Variants in LIPE observed in about 807,000 individuals in gnomAD.
LIPE encodes hormone-sensitive lipase.
In LIPE, 66 loss-of-function variants were observed where a neutral mutation model predicts 88.5. The observed-to-expected ratio is 0.75, with a 90% CI of 0.61 to 0.91. The LOEUF (loss-of-function observed/expected upper bound fraction) is 0.91. Among genes scored for constraint, LIPE ranks in the 40% least tolerant of loss-of-function variants. The pLI is 0.00. For synonymous variants in LIPE, 570 were observed against 617.5 expected (o/e 0.92, Z 1.14); for missense variants, 1,346 against 1,434.7 (o/e 0.94, Z 1.00).
intron 9 of LIPE, among the ~76,000 whole-genome samples, 173 bp from the exon 10 acceptor site, chr19:42,402,248 G>T (rs1038932359): frequency 2.3e-4 from 35 of 152,108 alleles, no homozygotes; most frequent in Non-Finnish European, 3.7e-4. Flanking sequence ...TGGAGGGAAT[G>T]GGGGGAGTTG....
In LIPE at chr19:42,410,780, C is replaced by A. The variant is rs771283326; in HGVS notation, c.946G>T (p.Glu316Ter). The A allele has an allele frequency of 3.1e-6, 5 of 1,604,146 alleles. No homozygotes were observed. The highest frequency in any genetic ancestry group is 4.3e-6 in the Non-Finnish European group (5 of 1,174,106). The change falls in exon 2 of 10, where the codon GAG becomes TAG. Residue 316 changes from glutamate to a stop codon, truncating the protein, a stop_gained. Transcript: ENST00000244289. LOFTEE classifies it high-confidence loss of function. The surrounding 1 kb of genome is among the most constrained non-coding windows in gnomAD (Gnocchi z 6.1). Reference protein sequence around the residue: ...TMTQSLVTLAEDNIAFFSSQG... With the variant: ...TMTQSLVTLA ...CTCGAGAAGAAGGCTATGTTGTCCT[C>A]CGCCAGAGTCACCAGCGACTGTGTC...
chr19:42,407,233 CG>C lies in LIPE; in HGVS notation c.2077del (p.Arg693ValfsTer76). The C allele has an allele frequency of 6.3e-7, 1 of 1,576,810 alleles. No individual in the cohort carries two copies. The highest frequency in any genetic ancestry group is 8.6e-7 in the Non-Finnish European group (1 of 1,161,192). On this transcript the variant is annotated frameshift_variant, in exon 6 of 10. Coordinates refer to ENST00000244289, the MANE Select transcript of LIPE (RefSeq NM_005357.4). LOFTEE classifies it high-confidence loss of function. The surrounding 1 kb of genome is among the most constrained non-coding windows in gnomAD (Gnocchi z 5.8). ...GGCGAAGAAGCACTCCTCCAGCGCA[CG>C]GGGGAAGGGGGCCTCAGGGGCCAGG... Reference protein sequence around the residue: ...YSLAPEAPFPRALEECFFAYC... With the variant: ...YSLAPEAPFPXALEECFFAYC...
Position 42,402,811 on chromosome 19 carries a change from C to T in LIPE, c.2763G>A (p.Glu921=), listed in dbSNP as rs367909440. Residue 921 remains glutamate (E), a synonymous_variant, in exon 9 of 10, where the codon GAG becomes GAA. Transcript: ENST00000244289. ...FLLPPEDAGE[E]AEAKNELSPM... ...GGCTCAGCTCATTTTTGGCCTCAGC[C>T]TCTTCCCCTGCATCCTCAGGTGGTA... 7 of 1,613,050 alleles carry T rather than the reference C, an allele frequency of 4.3e-6. No homozygotes were observed. In the African/African-American group the frequency reaches 9.3e-5, roughly 22 times the overall value.
intron 2 of LIPE, among the ~76,000 whole-genome samples, chr19:42,409,607 C>T (rs1189825744): frequency 6.6e-6 from 1 of 152,180 alleles, no homozygotes; most frequent in Non-Finnish European, 1.5e-5. Context: ...GGGGAGACTG[C>T]CCTGCACCAA....
chr19:42,407,455 A>G lies in LIPE; in HGVS notation c.1856T>C (p.Leu619Pro). The change falls in exon 6 of 10, where the codon CTC (leucine) becomes CCC (proline). Residue 619 changes from leucine (L) to proline (P), a missense_variant. By Grantham distance (98) the Leu-to-Pro change is moderately conservative. Coordinates refer to ENST00000244289, the MANE Select transcript of LIPE (RefSeq NM_005357.4). This position sits in a 1 kb window ranked among gnomAD's most constrained non-coding sequence, Gnocchi z 5.8. ...GCCGTTGGACTTTATCAGGCTGCTG[A>G]GCTCCTCACTGTCCTGGGGGTGAGG... ...DLREGQDSEE[L>P]SSLIKSNGQR... 1 of 1,612,332 alleles carries G rather than the reference A, an allele frequency of 6.2e-7. No homozygotes were observed. Among genetic ancestry groups the G allele is most frequent in the East Asian group, 2.2e-5 (1 of 44,818 alleles).
In LIPE at chr19:42,423,730, G is replaced by T. The variant is rs931172698; in HGVS notation, c.883+2537C>A. 13 of 1,132,106 alleles carry T rather than the reference G, an allele frequency of 1.1e-5. No homozygotes were observed. The Admixed American group carries it at 1.5e-4, about 13-fold the overall frequency. The allele number at this position is 1,132,106 out of a possible 1,614,324, so 70.1% of individuals were successfully genotyped here. A position where few individuals can be genotyped will look rare whatever the true frequency, so the allele number is the denominator to read the frequency against. On this transcript the variant is annotated intron_variant, in intron 1 of 9. Transcript: ENST00000244289. ...TCCGCCCCCAACCGCCAGAATTTAA[G>T]ATCTGGCTCCGCCCCCTACCGCGCA...
At chr19:42,423,316 C>A in intron 1 of LIPE, 2 of 861,356 alleles carry the variant, frequency 2.3e-6, no homozygotes, top group Non-Finnish European at 3.2e-6. Context: ...AGTCCGCGGA[C>A]CCCCCCAACT....
In LIPE at chr19:42,426,576, G is replaced by A; in HGVS notation, c.574C>T (p.Gln192Ter). 2 of 1,614,196 alleles carry A rather than the reference G, an allele frequency of 1.2e-6. No homozygotes were observed. Among genetic ancestry groups the A allele is most frequent in the Non-Finnish European group, 1.7e-6 (2 of 1,180,046 alleles). Residue 192 changes from glutamine to a stop codon, truncating the protein, a stop_gained, in exon 1 of 10, where the codon CAG (glutamine) becomes TAG (stop). Transcript: ENST00000244289. LOFTEE classifies it high-confidence loss of function. ...EQSDKQTTPVQGAKSKQGSLT... is the reference protein window; with the variant it reads ...EQSDKQTTPV ...GATCCCTGCTTGGATTTGGCTCCCTGGACTGGCGTTGTTTGCTTGTCTGAC... is the reference window on the plus strand; with the variant it reads ...GATCCCTGCTTGGATTTGGCTCCCTAGACTGGCGTTGTTTGCTTGTCTGAC...
intron 1 of LIPE, among the ~76,000 whole-genome samples, chr19:42,413,251 A>G (rs2040420910): frequency 6.6e-6 from 1 of 152,216 alleles, no homozygotes; most frequent in Non-Finnish European, 1.5e-5. Flanking sequence ...ACACTTTATA[A>G]TTTGTTTACG....
chr19:42,410,294 G>A lies in LIPE; in HGVS notation c.1419+13C>T, dbSNP rs1419056404. The A allele has an allele frequency of 6.4e-7, 1 of 1,552,024 alleles. No homozygotes were observed. ...CATTGTGGGCCCAGAGGGGCACGGG[G>A]CAGGGGGCTCACCTGGAAGCCCAGG... On this transcript the variant is annotated intron_variant, in intron 2 of 9. Transcript: ENST00000244289. The surrounding 1 kb of genome is among the most constrained non-coding windows in gnomAD (Gnocchi z 6.1).
rs560885261 is a variant in LIPE, at chr19:42,421,060, G to A, written c.883+5207C>T. The stretch of plus-strand genomic sequence containing the variant: ...ACTACAGGTACACCCCACCATGCCC[G>A]GCTAATGTTTGTGTTTTTGGTAGAG... On this transcript the variant is annotated intron_variant, in intron 1 of 9. Coordinates refer to ENST00000244289, the MANE Select transcript of LIPE (RefSeq NM_005357.4). 1.2e-3 allele frequency among the ~76,000 whole-genome samples: 182 copies of A among 152,148 alleles called. 1 individual carries two copies. Among genetic ancestry groups the A allele is most frequent in the South Asian group, 9.3e-3 (45 of 4,814 alleles).
At chr19:42,423,005 T>A (rs1229653212) in intron 1 of LIPE, 1 of 189,944 alleles carries the variant, frequency 5.3e-6, no homozygotes, top group East Asian at 1.8e-4. Flanking sequence ...CTAGACTTCC[T>A]CTTTGAGTAA....
chr19:42,401,888 G>A lies in LIPE; in HGVS notation c.3155C>T (p.Thr1052Ile), dbSNP rs1167515118. Residue 1052 changes from threonine (T) to isoleucine (I), a missense_variant, in exon 10 of 10, where the codon ACT (threonine) becomes ATT (isoleucine). By Grantham distance (89) the Thr-to-Ile change is moderately conservative. Coordinates refer to ENST00000244289, the MANE Select transcript of LIPE (RefSeq NM_005357.4). The part of the protein sequence containing the change: ...LCVERIRLVL[T>I]PPAGAGPSGE... Reference sequence around the variant, plus strand: ...GCTCGGCCCGGCTCCGGCGGGAGGAGTGAGGACGAGGCGGATGCGCTCCAC... The same window carrying A: ...GCTCGGCCCGGCTCCGGCGGGAGGAATGAGGACGAGGCGGATGCGCTCCAC... 1 of 1,541,482 alleles carries A rather than the reference G, an allele frequency of 6.5e-7. No homozygotes were observed.
At chr19:42,417,013 C>T (rs541535093) in intron 1 of LIPE, among the ~76,000 whole-genome samples, 7 of 152,300 alleles carry the variant, frequency 4.6e-5, no homozygotes, top group African/African-American at 7.2e-5. Flanking sequence ...CTCCGCCTCC[C>T]GGGTTCACGC....
At chr19:42,424,155 A>T in intron 1 of LIPE, 4 of 1,174,416 alleles carry the variant, frequency 3.4e-6, no homozygotes, top group Non-Finnish European at 4.3e-6. Context: ...TTCCTGGGGG[A>T]TCTTTCTCCC....
chr19:42,410,391 G>A lies in LIPE; in HGVS notation c.1335C>T (p.Gly445=), dbSNP rs535154534. The change falls in exon 2 of 10, where the codon GGC becomes GGT. Residue 445 remains glycine (G), a synonymous_variant. Coordinates refer to ENST00000244289, the MANE Select transcript of LIPE (RefSeq NM_005357.4). The surrounding 1 kb of genome is among the most constrained non-coding windows in gnomAD (Gnocchi z 6.1). ...GGAAGTCGGCGGTGAGCCCCTCGTC[G>A]CCCTCAAAGAAGAGTACCCCCGGCC... ...TNRPGVLFFE[G]DEGLTADFLR... 5.0e-5 allele frequency: 81 copies of A among 1,614,100 alleles called. No homozygotes were observed. The highest frequency in any genetic ancestry group is 2.3e-4 in the Admixed American group (14 of 60,028).
In LIPE at chr19:42,407,558, C is replaced by T. The variant is rs1448576794; in HGVS notation, c.1842+48G>A. ...TGGGGATGCCAAGGTGGGGGCTGCCCACGCTCCTCGGCTCTGTCCCTGTCC... is the reference window on the plus strand; with the variant it reads ...TGGGGATGCCAAGGTGGGGGCTGCCTACGCTCCTCGGCTCTGTCCCTGTCC... On this transcript the variant is annotated intron_variant, in intron 5 of 9. Transcript: ENST00000244289. This position sits in a 1 kb window ranked among gnomAD's most constrained non-coding sequence, Gnocchi z 5.8. 1.3e-6 allele frequency: 2 copies of T among 1,577,018 alleles called. No homozygotes were observed. The highest frequency in any genetic ancestry group is 1.7e-6 in the Non-Finnish European group (2 of 1,158,776).
chr19:42,426,328 G>T lies in LIPE; in HGVS notation c.822C>A (p.Tyr274Ter), dbSNP rs572049074. The part of the protein sequence containing the change: ...GKSGYKVMSG[Y>*]SGTSPHEKTS... ...TTTTCTCATGTGGCGACGTCCCACT[G>T]TATCCTGACATCACTTTATAACCAG... Residue 274 changes from tyrosine (Y) to a stop codon, truncating the protein, a stop_gained, in exon 1 of 10, where the codon TAC becomes TAA. Transcript: ENST00000244289. LOFTEE classifies it high-confidence loss of function. The T allele has an allele frequency of 6.8e-6, 11 of 1,611,864 alleles. No homozygotes were observed. In the African/African-American group the frequency reaches 8.0e-5, roughly 12 times the overall value.
At chr19:42,418,707 C>G (rs1341323617) in intron 1 of LIPE, among the ~76,000 whole-genome samples, 1 of 152,104 alleles carries the variant, frequency 6.6e-6, no homozygotes, top group Non-Finnish European at 1.5e-5. Context: ...CTGTTGTACA[C>G]TTTAATAGAC....
Sources: allele counts gnomAD v4.1 joint callset (sites outside exome capture counted in the v4.1 genomes callset), GRCh38; gene constraint gnomAD v4.1.1; non-coding constraint Gnocchi (gnomAD v3.1); transcripts MANE v1.5; gene names NCBI Gene and HGNC (gene_info 2026-07-23, HGNC 2026-07-21).